The following PHLDB3 variants were observed in gnomAD, a reference collection of about 807,000 sequenced individuals.
PHLDB3 encodes pleckstrin homology like domain family B member 3.
In PHLDB3, 86 loss-of-function variants were observed where a neutral mutation model predicts 85.7. The ratio of observed to expected loss-of-function variants is 1.00; its 90% CI spans 0.84 to 1.20. The LOEUF is 1.20. Ranked by LOEUF, PHLDB3 falls within the 50% of genes most tolerant of loss-of-function variation. The pLI, the probability that PHLDB3 is intolerant of heterozygous loss-of-function variation, is 0.00. For synonymous variants in PHLDB3, 376 were observed against 349.8 expected, an observed-to-expected ratio of 1.07 and a Z score of -0.83; for missense variants, 995 against 873.0, an observed-to-expected ratio of 1.14 and a Z score of -1.76.
At chr19:43,484,502 G>A (rs1002940496) in intron 13 of PHLDB3, among the ~76,000 whole-genome samples, 2 of 150,842 alleles carry the variant, frequency 1.3e-5, no homozygotes, top group African/African-American at 4.9e-5. Flanking sequence ...GAGGTCAGGA[G>A]TTCAAGACCA....
chr19:43,483,028 T>C (rs1971080065), intron 13 of PHLDB3, among the ~76,000 whole-genome samples: 1 of 152,192 alleles, frequency 6.6e-6, no homozygotes, highest in Admixed American at 6.5e-5. Flanking sequence ...ATTGTTATCT[T>C]GGTCACTGCT....
chr19:43,500,967 A>G (rs1971581620), intron 4 of PHLDB3, among the ~76,000 whole-genome samples: 1 of 129,424 alleles, frequency 7.7e-6, no homozygotes, highest in African/African-American at 2.9e-5. Flanking sequence ...GGCCCAGCCT[A>G]AAAGGATTTC....
chr19:43,501,860 C>A lies in PHLDB3; in HGVS notation c.408G>T (p.Glu136Asp). Residue 136 changes from glutamate (E) to aspartate (D), a missense_variant, in exon 4 of 16, where the codon GAG becomes GAT. Transcript: ENST00000292140. ...RKELRIEMEV[E>D]VALLRGELAG... The stretch of plus-strand genomic sequence containing the variant: ...CCAGCTCACCCCGCAGCAAGGCCAC[C>A]TCCACCTCCATCTGCGGAGAGAATG... The A allele has an allele frequency of 6.3e-7, 1 of 1,592,942 alleles. No individual in the cohort carries two copies. The highest frequency in any genetic ancestry group is 1.7e-5 in the Admixed American group (1 of 57,622).
intron 1 of PHLDB3, 92 bp from the exon 2 acceptor site, chr19:43,504,224 C>CA (rs1971698657): frequency 1.7e-6 from 2 of 1,180,998 alleles, no homozygotes; most frequent in Admixed American, 2.7e-5. Flanking sequence ...AGACCCCCCC[C>CA]CAAGGAGGCG....
At chr19:43,486,975 A>C in intron 10 of PHLDB3, 49 bp downstream of exon 10, 5 of 1,491,744 alleles carry the variant, frequency 3.4e-6, no homozygotes, top group Non-Finnish European at 3.6e-6. Context: ...CCTCTGCTGC[A>C]GGATGAGTGC....
intron 9 of PHLDB3, among the ~76,000 whole-genome samples, chr19:43,487,623 C>G (rs1037888899): frequency 2.4e-5 from 3 of 124,770 alleles, no homozygotes; most frequent in Non-Finnish European, 3.5e-5. Flanking sequence ...ATGTCCGGAA[C>G]AGGCAAATTA....
At chr19:43,491,885 C>A (rs1971321566) in intron 9 of PHLDB3, among the ~76,000 whole-genome samples, 1 of 147,592 alleles carries the variant, frequency 6.8e-6, no homozygotes, top group African/African-American at 2.5e-5. Context: ...GACCTTATGA[C>A]CTGCCTGCCT....
At chr19:43,493,171 C>T (rs1971359366) in intron 9 of PHLDB3, among the ~76,000 whole-genome samples, 1 of 151,704 alleles carries the variant, frequency 6.6e-6, no homozygotes, top group Non-Finnish European at 1.5e-5. Context: ...CCCAGCTACT[C>T]AGGAGGCTGA....
chr19:43,486,176 A>G, intron 13 of PHLDB3, 90 bp downstream of exon 13: 5 of 1,405,272 alleles, frequency 3.6e-6, no homozygotes, highest in Non-Finnish European at 4.6e-6. Context: ...CAATTGGAGG[A>G]GAGGAAAGGG....
chr19:43,497,133 G>T lies in PHLDB3; in HGVS notation c.810C>A (p.Ser270Arg), dbSNP rs764804036. 6.5e-7 allele frequency: 1 copy of T among 1,537,850 alleles called. No individual in the cohort carries two copies. The highest frequency in any genetic ancestry group is 1.2e-5 in the South Asian group (1 of 81,920). Residue 270 changes from serine (S) to arginine (R), a missense_variant, in exon 6 of 16, where the codon AGC (serine) becomes AGA (arginine). Transcript: ENST00000292140. ...PDPKVQELQASMAQHRRGALQ... is the reference protein window; with the variant it reads ...PDPKVQELQARMAQHRRGALQ... ...CATGACTCACTCTGTGCTGCGCCATGCTGGCCTGGAGTTCCTGGACCTTGG... is the reference window on the plus strand; with the variant it reads ...CATGACTCACTCTGTGCTGCGCCATTCTGGCCTGGAGTTCCTGGACCTTGG...
rs371414695 is a variant in PHLDB3, at chr19:43,479,472, C to G, written c.1607G>C (p.Arg536Pro). ...PHVQVSGCCC[R>P]GPLVKMGGRI... ...GCCGCCCATCTTCACCAGGGGTCCA[C>G]GGCAGCAGCACCCAGACACCTGCAC... Residue 536 changes from arginine (R) to proline (P), a missense_variant, in exon 14 of 16, where the codon CGT becomes CCT. By Grantham distance (103) the Arg-to-Pro change is moderately radical (BLOSUM62 -2). Transcript: ENST00000292140. The G allele has an allele frequency of 1.9e-6, 3 of 1,562,122 alleles. No individual in the cohort carries two copies. The African/African-American group carries it at 4.1e-5, about 21-fold the overall frequency.
intron 13 of PHLDB3, among the ~76,000 whole-genome samples, chr19:43,484,321 G>A (rs1971108175): frequency 1.4e-5 from 2 of 147,926 alleles, no homozygotes; most frequent in African/African-American, 2.5e-5. Flanking sequence ...GAGACAATGA[G>A]AGAAATGTGA....
intron 14 of PHLDB3, among the ~76,000 whole-genome samples, chr19:43,478,830 G>A (rs75267138): frequency 0.18 from 26,982 of 152,084 alleles, 2,672 homozygotes; most frequent in East Asian, 0.43. Context: ...CAGGAGAATC[G>A]CTTGAGCCGG....
At chr19:43,503,773 C>T (rs1971676787) in intron 2 of PHLDB3, 133 bp downstream of exon 2, 1 of 994,192 alleles carries the variant, frequency 1.0e-6, no homozygotes, top group African/African-American at 1.6e-5. Flanking sequence ...GTAGTCTCTG[C>T]TATCACTCGG....
In PHLDB3 at chr19:43,503,994, G is replaced by C. The variant is rs750046200; in HGVS notation, c.125C>G (p.Ala42Gly). 9 of 1,613,890 alleles carry C rather than the reference G, an allele frequency of 5.6e-6. No homozygotes were observed. The highest frequency in any genetic ancestry group is 7.6e-6 in the Non-Finnish European group (9 of 1,179,812). The change falls in exon 2 of 16, where the codon GCG (alanine) becomes GGG (glycine). Residue 42 changes from alanine (A) to glycine (G), a missense_variant. Coordinates refer to ENST00000292140, the MANE Select transcript of PHLDB3 (RefSeq NM_198850.4). The part of the protein sequence containing the change: ...SREQEASEVL[A>G]EPSSRGGAEQ... ...AGCTCCCCCGCGGCTCGAAGGTTCC[G>C]CCAGGACTTCGGATGCCTCCTGTTC...
At chr19:43,494,069 G>A (rs1158672931) in intron 9 of PHLDB3, among the ~76,000 whole-genome samples, 1 of 152,140 alleles carries the variant, frequency 6.6e-6, no homozygotes, top group African/African-American at 2.4e-5. Flanking sequence ...GTCTCACTCT[G>A]TCGCCTAGGC....
At chr19:43,481,945 G>A (rs1336394669) in intron 13 of PHLDB3, among the ~76,000 whole-genome samples, 1 of 151,898 alleles carries the variant, frequency 6.6e-6, no homozygotes, top group Non-Finnish European at 1.5e-5. Flanking sequence ...GGGAGGGAAA[G>A]GCCAGGTTTA....
In PHLDB3 at chr19:43,502,614, CTTTTTTTTTT is replaced by C. The variant is rs71336869; in HGVS notation, c.214-341_214-332del. ...CAGGCGCGCACCGCCACGCCAAGCT[CTTTTTTTTTT>C]TTTTTTTTTTTGGCAGAGAGGGGGC... On this transcript the variant is annotated intron_variant, in intron 2 of 15. Coordinates refer to ENST00000292140, the MANE Select transcript of PHLDB3 (RefSeq NM_198850.4). Among the ~76,000 whole-genome samples, 37 of 114,798 alleles carry C rather than the reference CTTTTTTTTTT, an allele frequency of 3.2e-4. No individual in the cohort carries two copies. In the South Asian group the frequency reaches 3.3e-3, roughly 10 times the overall value. The allele number at this position is 114,798 out of a possible 152,430, so 75.3% of individuals were successfully genotyped here.
intron 13 of PHLDB3, among the ~76,000 whole-genome samples, chr19:43,481,378 G>A (rs1431726109): frequency 6.6e-6 from 1 of 152,214 alleles, no homozygotes; most frequent in African/African-American, 2.4e-5. Context: ...CAGCACTTTG[G>A]GAAGCCAAGG....
Sources: gnomAD v4.1 joint callset for allele counts (sites outside exome capture counted in the v4.1 genomes callset) on GRCh38, gnomAD v4.1.1 for gene constraint, MANE v1.5 for transcripts, NCBI Gene and HGNC (gene_info 2026-07-23, HGNC 2026-07-21) for gene names.